TENT4B: variants seen among roughly 807,000 people sequenced by gnomAD.
TENT4B encodes the protein PAP associated domain containing 5.
In TENT4B, 10 loss-of-function variants were observed where a neutral mutation model predicts 75.0. The observed-to-expected ratio is 0.13, with a 90% CI of 0.08 to 0.23. The LOEUF is 0.23. TENT4B is among the 10% of genes least tolerant of loss of function. The pLI is 1.00. For missense variants in TENT4B, 579 were observed against 893.8 expected (o/e 0.65, Z 4.49); for synonymous variants, 350 against 357.7 (o/e 0.98, Z 0.24).
intron 1 of TENT4B, among the ~76,000 whole-genome samples, chr16:50,192,520 C>T (rs2029919726): frequency 6.6e-6 from 1 of 152,050 alleles, no homozygotes; most frequent in African/African-American, 2.4e-5. Context: ...CACAGTGTAA[C>T]TTGGTAGACT....
chr16:50,232,004 G>A lies in TENT4B; in HGVS notation c.*2676G>A. 1 of 984,892 alleles carries A rather than the reference G, an allele frequency of 1.0e-6. No individual in the cohort carries two copies. The highest frequency in any genetic ancestry group is 1.2e-6 in the Non-Finnish European group (1 of 829,520). 61.0% of individuals were successfully genotyped at this position (984,892 alleles called of 1,614,324 possible). On this transcript the variant is annotated 3_prime_UTR_variant, in exon 12 of 12. Coordinates refer to ENST00000561678, the MANE Select transcript of TENT4B (RefSeq NM_001365324.3). Reference sequence around the variant, plus strand: ...CTTCCTTTGCTAATACTTGTTGAATGGGATTTTACAAATTCTCCCTCACTC... The same window carrying A: ...CTTCCTTTGCTAATACTTGTTGAATAGGATTTTACAAATTCTCCCTCACTC...
intron 5 of TENT4B, among the ~76,000 whole-genome samples, chr16:50,218,594 C>G (rs1003776976): frequency 6.6e-6 from 1 of 151,780 alleles, no homozygotes. Context: ...CCTTGTGATC[C>G]GCCTACCTCG....
At chr16:50,207,043 A>T (rs1462782992) in intron 1 of TENT4B, among the ~76,000 whole-genome samples, 2 of 149,896 alleles carry the variant, frequency 1.3e-5, no homozygotes, top group Admixed American at 6.7e-5. Context: ...ACCCCAGCAA[A>T]TTAATTTTGT....
In TENT4B at chr16:50,153,947, C is replaced by CCAA. The variant is rs755709682; in HGVS notation, c.340_342dup (p.Asn114dup). ...CGGGACTTCCTGCCCCTAGAGACGA[C>CCAA]CAACAACAACAACAACCACCACCAG... On this transcript the variant is annotated inframe_insertion, in exon 1 of 12. Coordinates refer to ENST00000561678, the MANE Select transcript of TENT4B (RefSeq NM_001365324.3). 6.5e-6 allele frequency: 10 copies of CCAA among 1,533,608 alleles called. 1 individual carries two copies. Among genetic ancestry groups the CCAA allele is most frequent in the South Asian group, 6.0e-5 (5 of 83,824 alleles).
rs1395640704 is a variant in TENT4B at position 50,233,084 on chromosome 16, T to C, written c.*3756T>C. The C allele has an allele frequency of 1.0e-6, 1 of 984,352 alleles. No homozygotes were observed. Among genetic ancestry groups the C allele is most frequent in the African/African-American group, 1.7e-5 (1 of 57,224 alleles). 61.0% of individuals were successfully genotyped at this position (984,352 alleles called of 1,614,324 possible). A position where few individuals can be genotyped will look rare whatever the true frequency, so the allele number is the denominator to read the frequency against. ...CTCAAAGTATTTTATGAGCAAAATA[T>C]TCTATAAATGCGTCTAACAAACCTA... is the stretch of plus-strand genomic sequence containing the variant. On this transcript the variant is annotated 3_prime_UTR_variant, in exon 12 of 12. Coordinates refer to ENST00000561678, the MANE Select transcript of TENT4B (RefSeq NM_001365324.3).
intron 1 of TENT4B, among the ~76,000 whole-genome samples, chr16:50,186,223 C>T (rs982964648): frequency 6.6e-6 from 1 of 152,098 alleles, no homozygotes; most frequent in African/African-American, 2.4e-5. Flanking sequence ...TTCCCTGCAA[C>T]TAGATGCTGG....
At chr16:50,214,182 G>T in intron 2 of TENT4B, 39 bp from the exon 3 acceptor site, 1 of 1,457,472 alleles carries the variant, frequency 6.9e-7, no homozygotes, top group South Asian at 1.2e-5. Flanking sequence ...AACAACTTCT[G>T]ATAACTCAAT....
chr16:50,175,632 C>T (rs1451887103), intron 1 of TENT4B, among the ~76,000 whole-genome samples: 2 of 151,912 alleles, frequency 1.3e-5, no homozygotes, highest in South Asian at 2.1e-4. Flanking sequence ...ACACCACGCC[C>T]AGCTAATTTT....
In TENT4B at chr16:50,232,782, T is replaced by TA; in HGVS notation, c.*3455dup. ...TGCTGATACTTTTATTGGTCATGACTACATCTCAGTTTTACTTTAATATTG... is the reference window on the plus strand; with the variant it reads ...TGCTGATACTTTTATTGGTCATGACTAACATCTCAGTTTTACTTTAATATTG... On this transcript the variant is annotated 3_prime_UTR_variant, in exon 12 of 12. Coordinates refer to ENST00000561678, the MANE Select transcript of TENT4B (RefSeq NM_001365324.3). 1.0e-6 allele frequency: 1 copy of TA among 985,006 alleles called. No individual in the cohort carries two copies. The highest frequency in any genetic ancestry group is 1.2e-6 in the Non-Finnish European group (1 of 829,520). 61.0% of individuals were successfully genotyped at this position (985,006 alleles called of 1,614,324 possible). A position where few individuals can be genotyped will look rare whatever the true frequency, so the allele number is the denominator to read the frequency against.
At chr16:50,167,896 A>G (rs555908823) in intron 1 of TENT4B, among the ~76,000 whole-genome samples, 4 of 152,102 alleles carry the variant, frequency 2.6e-5, no homozygotes, top group Non-Finnish European at 4.4e-5. Flanking sequence ...GGCTCAAGCA[A>G]TCCTCTCATC....
In TENT4B at chr16:50,153,487, C is replaced by G. The variant is rs1488447070; in HGVS notation, c.-135C>G. The stretch of plus-strand genomic sequence containing the variant: ...CGACCGCGCCGCCCGCGGCGGGCCC[C>G]GAGCAGCAGCAGCAGCAGCAGCGGC... On this transcript the variant is annotated 5_prime_UTR_variant, in exon 1 of 12. Transcript: ENST00000561678. 15 of 935,532 alleles carry G rather than the reference C, an allele frequency of 1.6e-5. No homozygotes were observed. The highest frequency in any genetic ancestry group is 7.5e-5 in the African/African-American group (4 of 53,378). 58.0% of individuals were successfully genotyped at this position (935,532 alleles called of 1,614,324 possible). A position where few individuals can be genotyped will look rare whatever the true frequency, so the allele number is the denominator to read the frequency against.
Position 50,232,247 on chromosome 16 carries a change from G to A in TENT4B, c.*2919G>A. 1 of 985,372 alleles carries A rather than the reference G, an allele frequency of 1.0e-6. No individual in the cohort carries two copies. The highest frequency in any genetic ancestry group is 4.7e-5 in the South Asian group (1 of 21,278). 61.0% of individuals were successfully genotyped at this position (985,372 alleles called of 1,614,324 possible). ...GAATGTCTTTGTTTGGTTTGGAGAT[G>A]TCGCACTCAGTTTTCAAATCTAGCT... On this transcript the variant is annotated 3_prime_UTR_variant, in exon 12 of 12. Transcript: ENST00000561678.
At position 50,154,092 on chromosome 16, in the gene TENT4B, C is replaced by T; in HGVS notation, c.471C>T (p.Ser157=). 6.5e-7 allele frequency: 1 copy of T among 1,528,894 alleles called. No homozygotes were observed. The allele number at this position is 1,528,894 out of a possible 1,614,324, so 94.7% of individuals were successfully genotyped here. A position where few individuals can be genotyped will look rare whatever the true frequency, so the allele number is the denominator to read the frequency against. ...AADPADSASG[S]SNKRKRDNKA... is the part of the protein sequence containing the mutation. ...ATCCAGCCGATTCGGCCTCGGGCAG[C>T]AGCAACAAGAGGAAGCGCGACAACA... Residue 157 remains serine (S), a synonymous_variant, in exon 1 of 12, where the codon AGC becomes AGT. Transcript: ENST00000561678.
intron 11 of TENT4B, 65 bp from the exon 12 acceptor site, chr16:50,229,087 G>C (rs1264947250): frequency 6.3e-7 from 1 of 1,578,164 alleles, no homozygotes; most frequent in Non-Finnish European, 8.6e-7. Context: ...CCAAATCCAG[G>C]TGTTTGAGAA....
intron 1 of TENT4B, 79 bp from the exon 2 acceptor site, chr16:50,211,240 CTTAA>C: frequency 7.3e-7 from 1 of 1,365,730 alleles, no homozygotes; most frequent in Non-Finnish European, 9.7e-7. Context: ...AATTATAAGA[CTTAA>C]TTAGATAAGA....
chr16:50,188,381 C>A (rs1214486793), intron 1 of TENT4B, among the ~76,000 whole-genome samples: 2 of 152,168 alleles, frequency 1.3e-5, no homozygotes, highest in African/African-American at 4.8e-5. Flanking sequence ...AGGTCTTACT[C>A]CGTTCTTGAT....
chr16:50,229,043 T>C, intron 11 of TENT4B, 109 bp from the exon 12 acceptor site: 1 of 1,522,434 alleles, frequency 6.6e-7, no homozygotes, highest in Non-Finnish European at 8.8e-7. Flanking sequence ...AAGGTAACAA[T>C]CTAGCCAGCA....
chr16:50,232,587 T>C lies in TENT4B; in HGVS notation c.*3259T>C, dbSNP rs1223653354. 1.0e-6 allele frequency: 1 copy of C among 985,246 alleles called. No homozygotes were observed. Among genetic ancestry groups the C allele is most frequent in the Non-Finnish European group, 1.2e-6 (1 of 829,934 alleles). The allele number at this position is 985,246 out of a possible 1,614,324, so 61.0% of individuals were successfully genotyped here. A position where few individuals can be genotyped will look rare whatever the true frequency, so the allele number is the denominator to read the frequency against. On this transcript the variant is annotated 3_prime_UTR_variant, in exon 12 of 12. Coordinates refer to ENST00000561678, the MANE Select transcript of TENT4B (RefSeq NM_001365324.3). ...TTGCCTGAACCTGTGGACTAGTGTT[T>C]GGGGTTTCTGGAAACACTAGAGGGT...
At chr16:50,203,627 G>A (rs1444480152) in intron 1 of TENT4B, among the ~76,000 whole-genome samples, 2 of 151,866 alleles carry the variant, frequency 1.3e-5, no homozygotes, top group Non-Finnish European at 2.9e-5. Flanking sequence ...TAGTTCTTGG[G>A]TCAAATTGTC....
Sources: gnomAD v4.1 joint callset for allele counts (sites outside exome capture counted in the v4.1 genomes callset) on GRCh38, gnomAD v4.1.1 for gene constraint, MANE v1.5 for transcripts, NCBI Gene and HGNC (gene_info 2026-07-23, HGNC 2026-07-21) for gene names.